Variants in ZMYND8 observed in about 807,000 individuals in gnomAD.
ZMYND8 encodes the protein MYND-type zinc finger-containing chromatin reader ZMYND8.
ZMYND8 carries 37 observed loss-of-function variants against 140.8 expected under a neutral mutation model. The observed-to-expected ratio is 0.26, with a 90% CI of 0.20 to 0.35. The LOEUF (loss-of-function observed/expected upper bound fraction) is 0.35, where lower values mean the gene tolerates loss of function less well. Among genes scored for constraint, ZMYND8 ranks in the 10% least tolerant of loss-of-function variants. The pLI is 1.00. For synonymous variants in ZMYND8, 592 were observed against 597.1 expected (o/e 0.99, Z 0.12); for missense variants, 1,068 against 1,570.0 (o/e 0.68, Z 5.40).
intron 10 of ZMYND8, among the ~76,000 whole-genome samples, 167 bp downstream of exon 10, chr20:47,281,935 T>C (rs1046456894): frequency 2.0e-5 from 3 of 152,164 alleles, no homozygotes; most frequent in Non-Finnish European, 4.4e-5. Context: ...CCCACGCCAT[T>C]ACCAAGCTTA....
Position 47,249,336 on chromosome 20 carries a change from C to G in ZMYND8, c.1725G>C (p.Arg575Ser), listed in dbSNP as rs1293216673. 1 of 1,614,052 alleles carries G rather than the reference C, an allele frequency of 6.2e-7. No homozygotes were observed. Among genetic ancestry groups the G allele is most frequent in the African/African-American group, 1.3e-5 (1 of 75,018 alleles). Residue 575 changes from arginine to serine, a missense_variant, in exon 13 of 23, where the codon AGG (arginine) becomes AGC (serine). This residue lies in a region of ZMYND8 where 173 missense variants were observed against 223.3 expected (regional missense o/e 0.77). Coordinates refer to ENST00000471951, the MANE Select transcript of ZMYND8 (RefSeq NM_001281775.3). ...TGGTCTTGTCAAGATTCAGCTGGAA[C>G]CTGCTACGAATCTGGCGCTTGGGAG... is the stretch of plus-strand genomic sequence containing the variant. ...LISPKRQIRSRFQLNLDKTIE... is the reference protein window; with the variant it reads ...LISPKRQIRSSFQLNLDKTIE...
chr20:47,212,902 A>G (rs1434320804), intron 21 of ZMYND8, among the ~76,000 whole-genome samples, 177 bp from the exon 22 acceptor site: 1 of 152,212 alleles, frequency 6.6e-6, no homozygotes, highest in Non-Finnish European at 1.5e-5. Context: ...AGTCTCTTTA[A>G]AAATGCATAT....
At chr20:47,283,938 T>C (rs1005268071) in intron 8 of ZMYND8, among the ~76,000 whole-genome samples, 3 of 152,078 alleles carry the variant, frequency 2.0e-5, no homozygotes, top group African/African-American at 7.2e-5. Flanking sequence ...ATTTTTTTTT[T>C]TTCCTCCAGA....
chr20:47,306,218 C>T (rs191167663), intron 3 of ZMYND8, among the ~76,000 whole-genome samples: 228 of 152,068 alleles, frequency 1.5e-3, no homozygotes, highest in Middle Eastern at 6.8e-3. Flanking sequence ...AAAGTGAGAC[C>T]CCCATCTCTA....
At chr20:47,273,008 GAAAC>G (rs1424655294) in intron 11 of ZMYND8, among the ~76,000 whole-genome samples, 3 of 152,172 alleles carry the variant, frequency 2.0e-5, no homozygotes, top group Non-Finnish European at 4.4e-5. Context: ...GCAGAGAAAG[GAAAC>G]AGGTATGGAT....
intron 12 of ZMYND8, among the ~76,000 whole-genome samples, chr20:47,255,074 T>C (rs1216707337): frequency 6.6e-6 from 1 of 152,088 alleles, no homozygotes; most frequent in African/African-American, 2.4e-5. Context: ...GAGAGCCAGA[T>C]CATGCCACTG....
chr20:47,279,157 A>C (rs775907522), intron 10 of ZMYND8, among the ~76,000 whole-genome samples: 1 of 152,072 alleles, frequency 6.6e-6, no homozygotes, highest in Non-Finnish European at 1.5e-5. Context: ...CAGGGAAGGA[A>C]AAGAGTCTCT....
At position 47,302,010 on chromosome 20, in the gene ZMYND8, C is replaced by T. The variant is rs534748387; in HGVS notation, c.235-3063G>A. Among the ~76,000 whole-genome samples the T allele has an allele frequency of 1.1e-4, 15 of 140,028 alleles. No individual in the cohort carries two copies. In the South Asian group the frequency reaches 1.1e-3, roughly 11 times the overall value. 91.9% of individuals were successfully genotyped at this position (140,028 alleles called of 152,430 possible). A position where few individuals can be genotyped will look rare whatever the true frequency, so the allele number is the denominator to read the frequency against. On this transcript the variant is annotated intron_variant, in intron 3 of 22. Transcript: ENST00000471951. The stretch of plus-strand genomic sequence containing the variant: ...CTCCTCGAAGCAGCCATGTGAAGGA[C>T]GTGTTTGCTTCCCCTCCCCACCTTG...
At chr20:47,279,049 C>G (rs1208480812) in intron 10 of ZMYND8, among the ~76,000 whole-genome samples, 1 of 152,104 alleles carries the variant, frequency 6.6e-6, no homozygotes, top group African/African-American at 2.4e-5. Flanking sequence ...CCTCGCCCCC[C>G]TGACCTGCTC....
At chr20:47,288,085 T>C (rs1309408197) in intron 7 of ZMYND8, among the ~76,000 whole-genome samples, 1 of 152,160 alleles carries the variant, frequency 6.6e-6, no homozygotes, top group Non-Finnish European at 1.5e-5. Context: ...TTTTTAGAAA[T>C]TGTAAATTTG....
intron 3 of ZMYND8, among the ~76,000 whole-genome samples, chr20:47,305,333 G>A (rs912664457): frequency 6.1e-4 from 93 of 151,452 alleles, no homozygotes; most frequent in Admixed American, 6.1e-3. Context: ...TACAACCTCC[G>A]AGGTTGAAGC....
chr20:47,280,124 CAAAAAAAAA>C (rs72091806), intron 10 of ZMYND8, among the ~76,000 whole-genome samples: 76 of 90,878 alleles, frequency 8.4e-4, no homozygotes, highest in Admixed American at 3.9e-3. Context: ...GACTCTGCTC[CAAAAAAAAA>C]AAAAAAAAAA....
At chr20:47,313,345 G>A (rs940342298) in intron 2 of ZMYND8, among the ~76,000 whole-genome samples, 15 of 152,004 alleles carry the variant, frequency 9.9e-5, no homozygotes, top group Non-Finnish European at 1.3e-4. Flanking sequence ...GCTGGAGGCC[G>A]GGCGCAGTGG....
At chr20:47,330,260 G>C (rs1475402831) in intron 2 of ZMYND8, among the ~76,000 whole-genome samples, 3 of 151,986 alleles carry the variant, frequency 2.0e-5, no homozygotes, top group Non-Finnish European at 4.4e-5. Flanking sequence ...CAAGATCATA[G>C]CTCACTGCAG....
At chr20:47,297,872 G>A (rs1472510706) in intron 4 of ZMYND8, among the ~76,000 whole-genome samples, 3 of 152,162 alleles carry the variant, frequency 2.0e-5, no homozygotes, top group African/African-American at 7.2e-5. Context: ...CTAATAGTTG[G>A]CTTAATAAAG....
At chr20:47,222,490 C>A (rs575444993) in intron 19 of ZMYND8, among the ~76,000 whole-genome samples, 2 of 151,936 alleles carry the variant, frequency 1.3e-5, no homozygotes. Flanking sequence ...GAGCTGAGAT[C>A]GCGCCGTTGC....
intron 1 of ZMYND8, chr20:47,354,630 G>A (rs1048872247): frequency 1.3e-5 from 2 of 152,202 alleles, no homozygotes; most frequent in Non-Finnish European, 2.9e-5. Context: ...TTCGGTGTCA[G>A]AAAGTGGGCT....
intron 2 of ZMYND8, among the ~76,000 whole-genome samples, chr20:47,321,912 G>C (rs910268833): frequency 6.9e-6 from 1 of 145,142 alleles, no homozygotes; most frequent in African/African-American, 2.6e-5. Flanking sequence ...CTAGGCTGGA[G>C]TGCAGTGGCA....
chr20:47,333,723 T>C (rs2081146784), intron 2 of ZMYND8, among the ~76,000 whole-genome samples: 1 of 42,500 alleles, frequency 2.4e-5, no homozygotes, highest in African/African-American at 1.2e-4. Context: ...AGACTCCGTC[T>C]CAAAAAAAAA....
Sources: allele counts gnomAD v4.1 joint callset (sites outside exome capture counted in the v4.1 genomes callset), GRCh38; gene constraint gnomAD v4.1.1; regional missense constraint gnomAD v4.1.1; transcripts MANE v1.5; gene names NCBI Gene and HGNC (gene_info 2026-07-23, HGNC 2026-07-21).